Variants in ZNF69 observed in about 807,000 individuals in gnomAD.
ZNF69 encodes the protein zinc finger protein 69.
In ZNF69, 47 loss-of-function variants were observed where a neutral mutation model predicts 50.9. That is an observed-to-expected ratio of 0.92 (90% CI 0.73 to 1.18). The LOEUF (loss-of-function observed/expected upper bound fraction) is 1.18. ZNF69 is among the 50% of genes most tolerant of loss of function. ZNF69 has a pLI of 0.00. For synonymous variants in ZNF69, 216 were observed against 223.1 expected, an observed-to-expected ratio of 0.97 and a Z score of 0.29; for missense variants, 717 against 675.1, an observed-to-expected ratio of 1.06 and a Z score of -0.69.
intron 1 of ZNF69, among the ~76,000 whole-genome samples, chr19:11,891,252 C>T (rs941077932): frequency 1.3e-5 from 2 of 151,848 alleles, no homozygotes; most frequent in Admixed American, 1.3e-4. Context: ...ATAGGGAAAC[C>T]CCATCTTTTC....
At chr19:11,920,959 T>C in the ZNF69 span, among the ~76,000 whole-genome samples, 3 of 152,076 alleles carry the variant, frequency 2.0e-5, no homozygotes, top group Non-Finnish European at 2.9e-5. Context: ...AGCTGTAACA[T>C]CCCAAGTTAC....
chr19:11,932,818 T>C, the ZNF69 span, among the ~76,000 whole-genome samples: 1 of 147,450 alleles, frequency 6.8e-6, no homozygotes, highest in Non-Finnish European at 1.5e-5. Flanking sequence ...TTTGTATTTT[T>C]AGTAGAGACG....
At chr19:11,956,811 A>G in the ZNF69 span, among the ~76,000 whole-genome samples, 9 of 152,138 alleles carry the variant, frequency 5.9e-5, no homozygotes, top group Non-Finnish European at 1.0e-4. Context: ...CCAAGATCAC[A>G]CCATTGCACT....
the ZNF69 span, chr19:11,950,135 A>T: frequency 6.2e-7 from 1 of 1,614,068 alleles, no homozygotes; most frequent in Non-Finnish European, 8.5e-7. Context: ...GAGAAACACT[A>T]TGAATGTAAG....
chr19:11,888,139 G>A (rs370653417), intron 1 of ZNF69, among the ~76,000 whole-genome samples, 153 bp downstream of exon 1: 2 of 152,226 alleles, frequency 1.3e-5, no homozygotes, highest in African/African-American at 2.4e-5. Flanking sequence ...CCCCTCGACT[G>A]CTCGGTGTGG....
rs754354142 is a variant in ZNF69, at chr19:11,905,101, A to G, written c.704A>G (p.Tyr235Cys). 23 of 1,614,048 alleles carry G rather than the reference A, an allele frequency of 1.4e-5. No homozygotes were observed. The African/African-American group carries it at 1.5e-4, about 10-fold the overall frequency. Residue 235 changes from tyrosine to cysteine, a missense_variant, in exon 4 of 4, where the codon TAT becomes TGT. By Grantham distance (194) the Tyr-to-Cys change is radical. Coordinates refer to ENST00000429654, the MANE Select transcript of ZNF69 (RefSeq NM_001364730.1). ...AAAGCCTTCCATTGTCTCAGTTTAT[A>G]TCTTATCCATGAAAGAATTCACACT... ...CGKAFHCLSL[Y>C]LIHERIHTGE...
the ZNF69 span, among the ~76,000 whole-genome samples, chr19:11,951,987 C>T: frequency 6.6e-6 from 1 of 152,092 alleles, no homozygotes; most frequent in South Asian, 2.1e-4. Context: ...CCAGCCTGAC[C>T]AATATGATGA....
intron 1 of ZNF69, among the ~76,000 whole-genome samples, chr19:11,897,269 C>T (rs1972142809): frequency 6.6e-6 from 1 of 152,162 alleles, no homozygotes; most frequent in African/African-American, 2.4e-5. Context: ...ATCACTTGAA[C>T]CTGGGAGGCC....
At chr19:11,962,015 T>A in the ZNF69 span, among the ~76,000 whole-genome samples, 1 of 152,164 alleles carries the variant, frequency 6.6e-6, no homozygotes. Flanking sequence ...CTCACTATGT[T>A]GCCCAGGGTG....
At chr19:11,892,206 C>CTGGCCTCAAACAGTCCTGCTTCCT (rs1977110511) in intron 1 of ZNF69, among the ~76,000 whole-genome samples, 1 of 150,630 alleles carries the variant, frequency 6.6e-6, no homozygotes. Context: ...TCTCTAGCTC[C>CTGGCCTCAAACAGTCCTGCTTCCT]TGGCCTCAAA....
At chr19:11,935,045 C>T in the ZNF69 span, among the ~76,000 whole-genome samples, 102 of 145,200 alleles carry the variant, frequency 7.0e-4, 14 homozygotes, top group African/African-American at 2.6e-3. Flanking sequence ...GGCATGGTGG[C>T]GGGCGCCTAT....
chr19:11,946,306 G>C, the ZNF69 span, among the ~76,000 whole-genome samples: 2 of 152,164 alleles, frequency 1.3e-5, 1 homozygote, highest in East Asian at 3.9e-4. Flanking sequence ...TATCTGTCCA[G>C]AGGAGGCACA....
At chr19:11,888,587 A>T (rs1319600727) in intron 1 of ZNF69, among the ~76,000 whole-genome samples, 1 of 152,200 alleles carries the variant, frequency 6.6e-6, no homozygotes, top group Non-Finnish European at 1.5e-5. Context: ...GGCTCAAGAC[A>T]GTTTGGTTTT....
At chr19:11,945,474 C>T in the ZNF69 span, among the ~76,000 whole-genome samples, 1 of 152,124 alleles carries the variant, frequency 6.6e-6, no homozygotes, top group Admixed American at 6.6e-5. Flanking sequence ...TGGCAAAGGA[C>T]TATAATTCCA....
the ZNF69 span, chr19:11,949,113 A>G: frequency 6.2e-7 from 1 of 1,612,262 alleles, no homozygotes; most frequent in Non-Finnish European, 8.5e-7. Context: ...GACCTTATAA[A>G]TGTAAGATAT....
the ZNF69 span, among the ~76,000 whole-genome samples, chr19:11,969,582 A>C: frequency 2.0e-5 from 3 of 152,330 alleles, no homozygotes; most frequent in South Asian, 6.2e-4. Flanking sequence ...AGGACACCTC[A>C]CACAGTTTGG....
chr19:11,958,747 G>A, the ZNF69 span, among the ~76,000 whole-genome samples: 1 of 152,172 alleles, frequency 6.6e-6, no homozygotes, highest in African/African-American at 2.4e-5. Flanking sequence ...TTGGAGTGTG[G>A]GTTTCCTTGT....
chr19:11,941,692 G>A, the ZNF69 span, among the ~76,000 whole-genome samples: 603 of 152,296 alleles, frequency 4.0e-3, 4 homozygotes, highest in African/African-American at 0.014. Flanking sequence ...ACCCCTCCCT[G>A]CAAGCTGAGG....
chr19:11,956,464 G>T, the ZNF69 span: 1 of 397,542 alleles, frequency 2.5e-6, no homozygotes, highest in Non-Finnish European at 4.4e-6. Context: ...GAGAGATTTT[G>T]CCGGATTCTT....
Sources: allele counts gnomAD v4.1 joint callset (sites outside exome capture counted in the v4.1 genomes callset), GRCh38; gene constraint gnomAD v4.1.1; transcripts MANE v1.5; gene names NCBI Gene and HGNC (gene_info 2026-07-23, HGNC 2026-07-21).